The following PACS1 variants were observed in gnomAD, a reference collection of about 807,000 sequenced individuals.
The protein encoded by PACS1 is PACS-1.
In PACS1, 24 loss-of-function variants were observed where a neutral mutation model predicts 115.0. The observed-to-expected ratio is 0.21, with a 90% CI of 0.15 to 0.29. The LOEUF is 0.29. Ranked by LOEUF, PACS1 falls within the 10% of genes least tolerant of loss-of-function variation. PACS1 has a pLI of 1.00. For synonymous variants in PACS1, 453 were observed against 504.5 expected (o/e 0.90, Z 1.37); for missense variants, 838 against 1,251.2 (o/e 0.67, Z 4.98).
In PACS1 at chr11:66,201,656, G is replaced by GT. The variant is rs1402427210; in HGVS notation, c.444+8088dup. 2.4e-3 allele frequency among the ~76,000 whole-genome samples: 346 copies of GT among 145,312 alleles called. 6 individuals carry two copies. Among genetic ancestry groups the GT allele is most frequent in the Middle Eastern group, 3.6e-3 (1 of 274 alleles). The stretch of plus-strand genomic sequence containing the variant: ...AAGTCAACAAAACAAAATGTTTTGG[G>GT]TTTTTGTTTTTTTTTTTTCTGAGAC... On this transcript the variant is annotated intron_variant, in intron 2 of 23. Coordinates refer to ENST00000320580, the MANE Select transcript of PACS1 (RefSeq NM_018026.4).
chr11:66,219,913 TA>T, intron 8 of PACS1, 108 bp downstream of exon 8: 1 of 867,214 alleles, frequency 1.2e-6, no homozygotes, highest in Non-Finnish European at 2.0e-6. Flanking sequence ...ATTCTAGGAT[TA>T]ATATTCCTGC....
chr11:66,228,532 TAC>T (rs765803685), intron 11 of PACS1, among the ~76,000 whole-genome samples: 1 of 152,188 alleles, frequency 6.6e-6, no homozygotes, highest in Non-Finnish European at 1.5e-5. Flanking sequence ...ACGTGGCAAG[TAC>T]AGTGTGGCCT....
chr11:66,092,680 A>G (rs1473728261), intron 1 of PACS1, among the ~76,000 whole-genome samples: 2 of 152,090 alleles, frequency 1.3e-5, no homozygotes, highest in African/African-American at 4.8e-5. Flanking sequence ...TCTTTAATCC[A>G]TCTTGAATTA....
chr11:66,122,794 C>G (rs943499588), intron 1 of PACS1, among the ~76,000 whole-genome samples: 8 of 152,146 alleles, frequency 5.3e-5, no homozygotes, highest in African/African-American at 1.9e-4. Context: ...TGTGGATGAG[C>G]AGAGAAAGTG....
chr11:66,163,909 G>A lies in PACS1; in HGVS notation c.357-29577G>A, dbSNP rs531969077. Among the ~76,000 whole-genome samples the A allele has an allele frequency of 9.9e-5, 15 of 152,142 alleles. No individual in the cohort carries two copies. In the South Asian group the frequency reaches 1.7e-3, roughly 17 times the overall value. On this transcript the variant is annotated intron_variant, in intron 1 of 23. Coordinates refer to ENST00000320580, the MANE Select transcript of PACS1 (RefSeq NM_018026.4). ...TAAAGGTAAAATAGCAAGTTGTTTC[G>A]GCCTCTGTGACCTATTTTTAAAAAA...
intron 1 of PACS1, among the ~76,000 whole-genome samples, chr11:66,110,396 C>T (rs530715353): frequency 3.3e-4 from 50 of 152,260 alleles, no homozygotes; most frequent in African/African-American, 1.1e-3. Flanking sequence ...ACTGCAGCCT[C>T]GCCCTCCTGG....
intron 7 of PACS1, chr11:66,217,264 G>A (rs949280942): frequency 3.3e-6 from 1 of 298,624 alleles, no homozygotes. Flanking sequence ...CTGCCTTAAC[G>A]GATCCATAAC....
At chr11:66,198,265 G>T (rs1854692810) in intron 2 of PACS1, among the ~76,000 whole-genome samples, 1 of 152,174 alleles carries the variant, frequency 6.6e-6, no homozygotes, top group African/African-American at 2.4e-5. Flanking sequence ...CTACTCCTAG[G>T]TATGTCCACA....
chr11:66,217,625 C>T (rs1200702865), intron 7 of PACS1: 5 of 456,014 alleles, frequency 1.1e-5, no homozygotes, highest in South Asian at 3.1e-5. Context: ...CAGGTAAATC[C>T]GTGAGACTGT....
intron 1 of PACS1, among the ~76,000 whole-genome samples, chr11:66,127,383 G>A (rs1222295202): frequency 1.3e-5 from 2 of 152,190 alleles, no homozygotes; most frequent in Non-Finnish European, 2.9e-5. Context: ...AAAGGATCCT[G>A]ACTCTGGAGG....
chr11:66,177,275 C>T (rs990759457), intron 1 of PACS1, among the ~76,000 whole-genome samples: 18 of 152,118 alleles, frequency 1.2e-4, no homozygotes, highest in Non-Finnish European at 2.1e-4. Flanking sequence ...GTGGTGCATC[C>T]ACCACCTCCC....
At chr11:66,105,251 C>T (rs2134535904) in intron 1 of PACS1, among the ~76,000 whole-genome samples, 1 of 152,104 alleles carries the variant, frequency 6.6e-6, no homozygotes, top group Admixed American at 6.5e-5. Context: ...TGGAGAAACC[C>T]CATCTCTACT....
intron 1 of PACS1, among the ~76,000 whole-genome samples, chr11:66,146,942 A>G (rs1859137666): frequency 6.6e-6 from 1 of 152,182 alleles, no homozygotes; most frequent in South Asian, 2.1e-4. Context: ...CTGTAATCCC[A>G]GCTACTCAGG....
intron 1 of PACS1, among the ~76,000 whole-genome samples, chr11:66,144,613 C>T (rs878885891): frequency 6.6e-6 from 1 of 152,184 alleles, no homozygotes; most frequent in Admixed American, 6.5e-5. Context: ...CTTAGAAAGA[C>T]AACTGGTGTG....
At chr11:66,137,649 T>C (rs1858878219) in intron 1 of PACS1, among the ~76,000 whole-genome samples, 1 of 152,212 alleles carries the variant, frequency 6.6e-6, no homozygotes, top group Admixed American at 6.5e-5. Context: ...TAAGCATCTC[T>C]TATGTCATTA....
Position 66,234,746 on chromosome 11 carries a change from G to A in PACS1, c.2104+504G>A, listed in dbSNP as rs577008181. On this transcript the variant is annotated intron_variant, in intron 17 of 23. Coordinates refer to ENST00000320580, the MANE Select transcript of PACS1 (RefSeq NM_018026.4). ...ACAAAAATTAGCTGGGTATGTTGGT[G>A]TGCACCTGTAGTCCCAGCTACTCGG... Among the ~76,000 whole-genome samples the A allele has an allele frequency of 1.1e-4, 16 of 152,238 alleles. No homozygotes were observed. In the East Asian group the frequency reaches 3.1e-3, roughly 29 times the overall value.
intron 1 of PACS1, among the ~76,000 whole-genome samples, chr11:66,076,237 G>A (rs1270213914): frequency 6.6e-6 from 1 of 152,214 alleles, no homozygotes; most frequent in Non-Finnish European, 1.5e-5. Flanking sequence ...GGACACCTTA[G>A]CGGTTATGTG....
chr11:66,237,970 G>C (rs1410190792), intron 19 of PACS1: 2 of 753,170 alleles, frequency 2.7e-6, no homozygotes, highest in African/African-American at 3.8e-5. Flanking sequence ...TCAGGGTCCA[G>C]CCCTCTGGAC....
chr11:66,084,696 A>G (rs977285526), intron 1 of PACS1, among the ~76,000 whole-genome samples: 5 of 152,168 alleles, frequency 3.3e-5, no homozygotes, highest in African/African-American at 1.2e-4. Flanking sequence ...GATGACACCA[A>G]TAGTTCATTT....
Sources: gnomAD v4.1 joint callset for allele counts (sites outside exome capture counted in the v4.1 genomes callset) on GRCh38, gnomAD v4.1.1 for gene constraint, MANE v1.5 for transcripts, NCBI Gene and HGNC (gene_info 2026-07-23, HGNC 2026-07-21) for gene names.